The following RBFOX2 variants were observed in gnomAD, a reference collection of about 807,000 sequenced individuals.
RBFOX2 encodes the protein RNA binding fox-1 homolog 2.
Under a neutral mutation model 49.1 loss-of-function variants are expected in RBFOX2, and 10 were observed. The observed-to-expected ratio is 0.20, with a 90% CI of 0.13 to 0.35. RBFOX2 has a LOEUF of 0.35. RBFOX2 is among the 10% of genes least tolerant of loss of function. RBFOX2 has a pLI of 1.00. For missense variants in RBFOX2, 323 were observed against 486.9 expected (o/e 0.66, Z 3.17); for synonymous variants, 183 against 187.4 (o/e 0.98, Z 0.19).
At chr22:35,924,710 T>G (rs1044046286) in intron 1 of RBFOX2, among the ~76,000 whole-genome samples, 1 of 152,236 alleles carries the variant, frequency 6.6e-6, no homozygotes, top group Non-Finnish European at 1.5e-5. Context: ...TTGAGTTTAT[T>G]TAATTTATCC....
upstream of RBFOX2, among the ~76,000 whole-genome samples, chr22:35,941,038 C>T (rs141727206): frequency 5.2e-3 from 788 of 152,196 alleles, 3 homozygotes; most frequent in Middle Eastern, 0.014. Context: ...TTAAAAACCA[C>T]TGAAACACTA....
chr22:35,745,410 T>C (rs1054700616), intron 11 of RBFOX2, among the ~76,000 whole-genome samples: 7 of 152,224 alleles, frequency 4.6e-5, no homozygotes, highest in Admixed American at 4.6e-4. Context: ...CCACAATTGT[T>C]ATCAATAATC....
chr22:36,028,776 TCA>T (rs1414328611), exon 1 of RBFOX2, among the ~76,000 whole-genome samples: 2 of 151,788 alleles, frequency 1.3e-5, no homozygotes, highest in African/African-American at 2.4e-5. Flanking sequence ...CCGCGCTGGC[TCA>T]CACTCTCCCT....
intron 2 of RBFOX2, among the ~76,000 whole-genome samples, chr22:35,799,979 A>C (rs1419503336): frequency 6.6e-6 from 1 of 150,488 alleles, no homozygotes; most frequent in Non-Finnish European, 1.5e-5. Flanking sequence ...CCACCCCCCA[A>C]AAAAGGTAAT....
At chr22:35,982,812 A>C (rs2150069678) in intron 1 of RBFOX2, among the ~76,000 whole-genome samples, 1 of 151,840 alleles carries the variant, frequency 6.6e-6, no homozygotes, top group Admixed American at 6.6e-5. Context: ...AAAAAAAACC[A>C]CTAATCCTAT....
At chr22:35,775,861 AG>A (rs370474745) in intron 4 of RBFOX2, among the ~76,000 whole-genome samples, 3 of 146,598 alleles carry the variant, frequency 2.0e-5, no homozygotes, top group African/African-American at 7.8e-5. Context: ...AAAAAAAAAA[AG>A]AAAAGAAAAG....
chr22:36,010,974 C>T (rs1056454988), intron 1 of RBFOX2, among the ~76,000 whole-genome samples: 2 of 152,102 alleles, frequency 1.3e-5, no homozygotes, highest in African/African-American at 4.8e-5. Context: ...ACCTTCCTTT[C>T]TCACAATTCA....
At chr22:35,833,656 T>C (rs1957171726) in intron 1 of RBFOX2, among the ~76,000 whole-genome samples, 1 of 152,194 alleles carries the variant, frequency 6.6e-6, no homozygotes, top group African/African-American at 2.4e-5. Flanking sequence ...GTATGTAAAA[T>C]TGACTGGCAC....
At chr22:35,819,941 T>G (rs140246843) in intron 1 of RBFOX2, among the ~76,000 whole-genome samples, 22 of 152,274 alleles carry the variant, frequency 1.4e-4, no homozygotes, top group African/African-American at 5.3e-4. Context: ...TGTATCTGGA[T>G]GGAAGAAGAC....
intron 1 of RBFOX2, among the ~76,000 whole-genome samples, chr22:35,827,378 C>A (rs1300531896): frequency 6.6e-6 from 1 of 152,170 alleles, no homozygotes; most frequent in Admixed American, 6.5e-5. Flanking sequence ...ACAAATCACA[C>A]CAAACTATAA....
upstream of RBFOX2, among the ~76,000 whole-genome samples, chr22:35,941,913 C>T (rs565537333): frequency 1.2e-4 from 18 of 152,250 alleles, 1 homozygote; most frequent in South Asian, 3.5e-3. Flanking sequence ...CTCAAGCCCT[C>T]CCTGTATATA....
At chr22:35,793,634 A>T (rs1198639675) in intron 2 of RBFOX2, among the ~76,000 whole-genome samples, 3 of 152,210 alleles carry the variant, frequency 2.0e-5, no homozygotes, top group African/African-American at 7.2e-5. Context: ...CCACCAAAAC[A>T]ATTTTTTAGA....
At chr22:35,962,820 A>G (rs1213916165), upstream of RBFOX2, among the ~76,000 whole-genome samples, 1 of 152,044 alleles carries the variant, frequency 6.6e-6, no homozygotes, top group East Asian at 1.9e-4. Context: ...CATTCTAGAG[A>G]AGTAATTCCT....
chr22:35,818,604 C>G (rs1024371299), intron 1 of RBFOX2, among the ~76,000 whole-genome samples: 1 of 151,938 alleles, frequency 6.6e-6, no homozygotes, highest in Admixed American at 6.6e-5. Flanking sequence ...GGCAACATAG[C>G]GAGACCCTAT....
chr22:35,849,205 C>G (rs1348777164), intron 1 of RBFOX2, among the ~76,000 whole-genome samples: 1 of 151,766 alleles, frequency 6.6e-6, no homozygotes, highest in African/African-American at 2.4e-5. Flanking sequence ...AAAACAAAGC[C>G]TAAAGTTTAT....
intron 1 of RBFOX2, among the ~76,000 whole-genome samples, chr22:36,027,932 C>A (rs1057273109): frequency 1.3e-5 from 2 of 152,112 alleles, no homozygotes; most frequent in African/African-American, 2.4e-5. Context: ...CACCCCAAGG[C>A]ACTAAGGAAG....
In RBFOX2 at chr22:35,922,512, C is replaced by T. The variant is rs138382385; in HGVS notation, c.-34+16335G>A. 5.7e-3 allele frequency among the ~76,000 whole-genome samples: 866 copies of T among 151,514 alleles called. 3 individuals are homozygous for T. The highest frequency in any genetic ancestry group is 9.2e-3 in the Non-Finnish European group (623 of 67,944). ...GCTTGAACCTGGGAGGCAGAGGTTG[C>T]AGTCAGCCAAGATTGCGCCACTGCA... On this transcript the variant is annotated intron_variant, in intron 1 of 13. Transcript: ENST00000359369.
intron 1 of RBFOX2, among the ~76,000 whole-genome samples, chr22:35,928,469 T>C (rs866329546): frequency 5.3e-5 from 8 of 152,178 alleles, no homozygotes; most frequent in African/African-American, 1.9e-4. Flanking sequence ...GAGAAGGCTG[T>C]AGCCAAGCAC....
At chr22:35,812,274 G>GAA (rs371751236) in intron 1 of RBFOX2, among the ~76,000 whole-genome samples, 6 of 123,286 alleles carry the variant, frequency 4.9e-5, no homozygotes, top group East Asian at 2.4e-4. Context: ...TCAAAAGATA[G>GAA]AAAAAAAAAA....
Sources: allele counts gnomAD v4.1 joint callset (sites outside exome capture counted in the v4.1 genomes callset), GRCh38; gene constraint gnomAD v4.1.1; transcripts MANE v1.5; gene names NCBI Gene and HGNC (gene_info 2026-07-23, HGNC 2026-07-21).